The following LRP1B variants were observed in gnomAD, a reference collection of about 807,000 sequenced individuals.
LRP1B encodes low-density lipoprotein receptor-related protein 1B.
LRP1B carries 217 observed loss-of-function variants against 556.6 expected under a neutral mutation model. That is an observed-to-expected ratio of 0.39 (90% confidence interval 0.35 to 0.44). The LOEUF (loss-of-function observed/expected upper bound fraction) is 0.44. LRP1B is among the 20% of genes least tolerant of loss of function. The pLI, the probability that LRP1B is intolerant of heterozygous loss-of-function variation, is 1.00. For synonymous variants in LRP1B, 2,047 were observed against 1,865.8 expected, an observed-to-expected ratio of 1.10 and a Z score of -2.50; for missense variants, 5,053 against 5,620.8, an observed-to-expected ratio of 0.90 and a Z score of 3.23.
chr2:140,779,751 A>AGTGT (rs759903694), intron 32 of LRP1B, among the ~76,000 whole-genome samples: 2 of 86,824 alleles, frequency 2.3e-5, no homozygotes, highest in African/African-American at 1.0e-4. Context: ...TCTCTCTGTG[A>AGTGT]GAGAGTGTGT....
chr2:142,064,093 C>T (rs185041479), intron 1 of LRP1B, among the ~76,000 whole-genome samples: 5 of 151,586 alleles, frequency 3.3e-5, no homozygotes, highest in Admixed American at 3.3e-4. Flanking sequence ...TCTAGTAAAT[C>T]CAAATTATTA....
At chr2:141,638,896 CGTGT>C (rs143805584) in intron 2 of LRP1B, among the ~76,000 whole-genome samples, 11 of 57,650 alleles carry the variant, frequency 1.9e-4, no homozygotes, top group African/African-American at 5.2e-4. Context: ...TGTGTATGTG[CGTGT>C]GTGTGTGTGT....
intron 7 of LRP1B, among the ~76,000 whole-genome samples, chr2:141,145,001 GCAAA>G (rs1192234564): frequency 6.6e-6 from 1 of 152,140 alleles, no homozygotes; most frequent in Non-Finnish European, 1.5e-5. Flanking sequence ...TAAGTGCTGA[GCAAA>G]CAGACAAATT....
At chr2:141,269,910 A>AT (rs1427637175) in intron 3 of LRP1B, among the ~76,000 whole-genome samples, 2 of 152,132 alleles carry the variant, frequency 1.3e-5, no homozygotes, top group Non-Finnish European at 2.9e-5. Context: ...AAGTAAAGGA[A>AT]TGATATGACA....
intron 32 of LRP1B, among the ~76,000 whole-genome samples, chr2:140,776,751 C>A (rs183625021): frequency 1.3e-5 from 2 of 152,172 alleles, no homozygotes; most frequent in East Asian, 3.9e-4. Context: ...GGTCTCTTCA[C>A]AATTGTTAAC....
intron 46 of LRP1B, among the ~76,000 whole-genome samples, chr2:140,535,989 G>A (rs915530488): frequency 3.3e-5 from 5 of 152,058 alleles, no homozygotes; most frequent in Admixed American, 1.3e-4. Context: ...ACAAGCCAAC[G>A]ATGTGCTATT....
intron 3 of LRP1B, among the ~76,000 whole-genome samples, chr2:141,426,667 C>T (rs1312620981): frequency 2.6e-5 from 4 of 152,180 alleles, no homozygotes; most frequent in Non-Finnish European, 5.9e-5. Flanking sequence ...CTAACCATCA[C>T]TGTAACATTT....
At chr2:140,423,201 T>C (rs2105269174) in intron 66 of LRP1B, among the ~76,000 whole-genome samples, 1 of 152,278 alleles carries the variant, frequency 6.6e-6, no homozygotes, top group South Asian at 2.1e-4. Context: ...GCTGTGGGTT[T>C]AATTATTCTA....
chr2:141,504,010 C>A (rs936211022), intron 2 of LRP1B, among the ~76,000 whole-genome samples: 1 of 152,088 alleles, frequency 6.6e-6, no homozygotes, highest in Non-Finnish European at 1.5e-5. Context: ...ACCTTGGAAA[C>A]GATTTAGGCT....
At chr2:141,177,602 T>C (rs1680791525) in intron 7 of LRP1B, among the ~76,000 whole-genome samples, 1 of 152,172 alleles carries the variant, frequency 6.6e-6, no homozygotes, top group African/African-American at 2.4e-5. Flanking sequence ...TATTAGTTAC[T>C]ATGTGATTGC....
intron 2 of LRP1B, among the ~76,000 whole-genome samples, chr2:141,530,453 G>A (rs560628662): frequency 6.6e-6 from 1 of 152,010 alleles, no homozygotes; most frequent in Non-Finnish European, 1.5e-5. Context: ...ACTTGAATAT[G>A]TATTCATTCT....
At chr2:141,656,700 A>G (rs142565726) in intron 2 of LRP1B, among the ~76,000 whole-genome samples, 1 of 152,212 alleles carries the variant, frequency 6.6e-6, no homozygotes, top group East Asian at 1.9e-4. Flanking sequence ...TGCATTGACA[A>G]TCTCAGTGAT....
rs568309208 is a variant in LRP1B at position 140,601,528 on chromosome 2, C to G, written c.6911G>C (p.Gly2304Ala). The change falls in exon 42 of 91, where the codon GGA becomes GCA. Residue 2304 changes from glycine (G) to alanine (A), a missense_variant. Gly to Ala is a moderately conservative substitution (Grantham distance 60). Around this residue, in one of 5 missense-constraint regions of LRP1B, gnomAD observed 3,619 missense variants for 3,931.9 expected, o/e 0.92. Coordinates refer to ENST00000389484, the MANE Select transcript of LRP1B (RefSeq NM_018557.3). ...TRHTVDQTRP[G>A]AFDREAVITM... is the part of the protein sequence containing the mutation. The stretch of plus-strand genomic sequence containing the variant: ...GATGACAGCTTCCCTGTCAAATGCT[C>G]CAGGCCGAGTCTGGTCCACAGTGTG... 3.3e-5 allele frequency: 54 copies of G among 1,613,062 alleles called. No homozygotes were observed. The highest frequency in any genetic ancestry group is 4.5e-5 in the Non-Finnish European group (53 of 1,179,492).
chr2:140,874,665 C>G (rs940091346), intron 25 of LRP1B, among the ~76,000 whole-genome samples: 1 of 151,230 alleles, frequency 6.6e-6, no homozygotes, highest in African/African-American at 2.4e-5. Context: ...GTTTATCTTT[C>G]TGTACGTGCT....
chr2:141,087,742 A>C (rs1357723815), intron 7 of LRP1B, among the ~76,000 whole-genome samples: 7 of 152,188 alleles, frequency 4.6e-5, no homozygotes, highest in Non-Finnish European at 8.8e-5. Flanking sequence ...CTTGAAGGGC[A>C]AGTAGGAGTT....
At chr2:142,095,593 C>T (rs888343779) in intron 1 of LRP1B, among the ~76,000 whole-genome samples, 2 of 151,638 alleles carry the variant, frequency 1.3e-5, no homozygotes, top group Admixed American at 6.6e-5. Context: ...GTTATATAGG[C>T]CTGAGTTAAT....
At chr2:140,621,577 T>C (rs1683459190) in intron 41 of LRP1B, among the ~76,000 whole-genome samples, 1 of 152,040 alleles carries the variant, frequency 6.6e-6, no homozygotes, top group Non-Finnish European at 1.5e-5. Context: ...TTTATGATTT[T>C]CAAATGAATA....
At chr2:141,289,213 T>C (rs1287872540) in intron 3 of LRP1B, among the ~76,000 whole-genome samples, 2 of 151,240 alleles carry the variant, frequency 1.3e-5, no homozygotes, top group Non-Finnish European at 2.9e-5. Context: ...TGAAACTCCG[T>C]CTCTACTAAA....
At chr2:141,401,210 T>C (rs1043971080) in intron 3 of LRP1B, among the ~76,000 whole-genome samples, 4 of 152,206 alleles carry the variant, frequency 2.6e-5, no homozygotes, top group African/African-American at 9.7e-5. Context: ...GATACTACTT[T>C]TGAGAGTTGT....
Sources: gnomAD v4.1 joint callset for allele counts (sites outside exome capture counted in the v4.1 genomes callset) on GRCh38, gnomAD v4.1.1 for gene constraint, gnomAD v4.1.1 regional missense constraint, MANE v1.5 for transcripts, NCBI Gene and HGNC (gene_info 2026-07-23, HGNC 2026-07-21) for gene names.